The following ABCC9 variants were observed in gnomAD, a reference collection of about 807,000 sequenced individuals.
The protein encoded by ABCC9 is ATP-binding cassette sub-family C member 9.
ABCC9 carries 95 observed loss-of-function variants against 188.3 expected under a neutral mutation model. The observed-to-expected ratio is 0.50, with a 90% CI of 0.43 to 0.60. ABCC9 has a LOEUF of 0.60. ABCC9 is among the 20% of genes least tolerant of loss of function. ABCC9 has a pLI of 0.00. For missense variants in ABCC9, 1,102 were observed against 1,876.3 expected (o/e 0.59, Z 7.62); for synonymous variants, 659 against 652.7 (o/e 1.01, Z -0.15).
chr12:21,856,564 G>T (rs909285961), intron 22 of ABCC9, among the ~76,000 whole-genome samples: 5 of 152,010 alleles, frequency 3.3e-5, no homozygotes, highest in Non-Finnish European at 7.4e-5. Flanking sequence ...ACTGCATCAA[G>T]GCTAACATGA....
chr12:21,821,304 CTG>C (rs1398662668), intron 31 of ABCC9, among the ~76,000 whole-genome samples: 1 of 152,130 alleles, frequency 6.6e-6, no homozygotes, highest in African/African-American at 2.4e-5. Flanking sequence ...TGTAATATGA[CTG>C]TCTCTTAAAA....
At chr12:21,849,492 G>A (rs1314769239) in intron 24 of ABCC9, among the ~76,000 whole-genome samples, 1 of 152,188 alleles carries the variant, frequency 6.6e-6, no homozygotes, top group East Asian at 1.9e-4. Flanking sequence ...CCTGTCTTGT[G>A]CATATCATAT....
chr12:21,840,688 A>G (rs1196833993), intron 29 of ABCC9, among the ~76,000 whole-genome samples: 1 of 152,228 alleles, frequency 6.6e-6, no homozygotes, highest in Non-Finnish European at 1.5e-5. Flanking sequence ...TAGTATCAGA[A>G]GAAAAGAAAT....
At chr12:21,918,669 G>T (rs1029517020) in intron 5 of ABCC9, among the ~76,000 whole-genome samples, 4 of 152,008 alleles carry the variant, frequency 2.6e-5, no homozygotes, top group Admixed American at 2.0e-4. Context: ...TCTATTCCAG[G>T]TTCTCACGAG....
At chr12:21,884,562 A>G (rs1946781746) in intron 15 of ABCC9, among the ~76,000 whole-genome samples, 1 of 152,138 alleles carries the variant, frequency 6.6e-6, no homozygotes, top group South Asian at 2.1e-4. Flanking sequence ...TTACTATGGG[A>G]ATTAGGAATG....
Position 21,812,156 on chromosome 12 carries a change from T to A in ABCC9, c.4104A>T (p.Gly1368=). The A allele has an allele frequency of 6.3e-7, 1 of 1,595,292 alleles. No homozygotes were observed. Among genetic ancestry groups the A allele is most frequent in the Non-Finnish European group, 8.6e-7 (1 of 1,163,102 alleles). ...AFFRMVDIFD[G]KIVIDGIDIS... is the part of the protein sequence containing the mutation. The stretch of plus-strand genomic sequence containing the variant: ...TGTCTATCCCATCAATGACAATTTT[T>A]CCTGTTAAGGAGAAACAGAAGTTAC... Residue 1368 remains glycine (G), a splice_region_variant and synonymous_variant, in exon 36 of 40, where the codon GGA becomes GGT. Coordinates refer to ENST00000261200, the MANE Select transcript of ABCC9 (RefSeq NM_020297.4).
At chr12:21,925,371 A>G (rs987998915) in intron 5 of ABCC9, 2 of 576,196 alleles carry the variant, frequency 3.5e-6, no homozygotes, top group Admixed American at 2.6e-5. Flanking sequence ...TTTTAGTCAC[A>G]ATGCAGGTGC....
At chr12:21,830,974 T>TTATCTATCTATCTATCTATCTATC (rs3983520) in intron 30 of ABCC9, 7 of 147,482 alleles carry the variant, frequency 4.7e-5, no homozygotes, top group Middle Eastern at 3.5e-3. Context: ...ACCATAAAGA[T>TTATCTATCTATCTATCTATCTATC]TATCTATCTA....
At chr12:21,873,272 T>C (rs1178882236) in intron 17 of ABCC9, among the ~76,000 whole-genome samples, 1 of 152,116 alleles carries the variant, frequency 6.6e-6, no homozygotes, top group Non-Finnish European at 1.5e-5. Flanking sequence ...TTCCTAAATA[T>C]TTTATTCTTT....
intron 4 of ABCC9, among the ~76,000 whole-genome samples, chr12:21,930,784 T>C (rs1949252305): frequency 6.6e-6 from 1 of 152,076 alleles, no homozygotes; most frequent in Admixed American, 6.5e-5. Context: ...AGCACTAAAA[T>C]GAAATGATCT....
chr12:21,800,816 A>C lies in ABCC9; in HGVS notation c.*228T>G. ...TTACATGTTTTAATACAACCTAGCT[A>C]TTCTTAAAGCTAGAGTGGCTGGATC... On this transcript the variant is annotated 3_prime_UTR_variant, in exon 40 of 40. Coordinates refer to ENST00000261200, the MANE Select transcript of ABCC9 (RefSeq NM_020297.4). 1.9e-6 allele frequency: 1 copy of C among 537,530 alleles called. No individual in the cohort carries two copies. 33.3% of individuals were successfully genotyped at this position (537,530 alleles called of 1,614,324 possible).
Position 21,844,863 on chromosome 12 carries a change from C to T in ABCC9, c.3149G>A (p.Cys1050Tyr), listed in dbSNP as rs1944561613. The part of the protein sequence containing the change: ...SILCGAGIFL[C>Y]LVTSLTVEWM... ...TTCTACAGTGAGGGATGTAACAAGG[C>T]AAAGGAAAATGCCTGCTCCACAGAG... Residue 1050 changes from cysteine to tyrosine, a missense_variant, in exon 27 of 40, where the codon TGC becomes TAC. By Grantham distance (194) the Cys-to-Tyr change is radical. Around this residue, in one of 12 missense-constraint regions of ABCC9, gnomAD observed 74 missense variants for 132.7 expected, o/e 0.56. Transcript: ENST00000261200. 1 of 1,613,736 alleles carries T rather than the reference C, an allele frequency of 6.2e-7. No homozygotes were observed. The highest frequency in any genetic ancestry group is 1.3e-5 in the African/African-American group (1 of 74,884).
intron 22 of ABCC9, among the ~76,000 whole-genome samples, chr12:21,855,336 C>T (rs1363614987): frequency 6.6e-6 from 1 of 152,200 alleles, no homozygotes; most frequent in East Asian, 1.9e-4. Flanking sequence ...TCTTCTGCCT[C>T]AGCCTCCCAA....
At chr12:21,851,059 G>A (rs1456366925) in intron 24 of ABCC9, among the ~76,000 whole-genome samples, 1 of 151,768 alleles carries the variant, frequency 6.6e-6, no homozygotes, top group Non-Finnish European at 1.5e-5. Flanking sequence ...CTCTCTCTAT[G>A]GAGACAGATC....
chr12:21,844,938 A>G (rs1285744389), intron 26 of ABCC9, 23 bp from the exon 27 acceptor site: 1 of 1,612,950 alleles, frequency 6.2e-7, no homozygotes, highest in Non-Finnish European at 8.5e-7. Flanking sequence ...CAACACAAAA[A>G]GCACATAGGA....
At chr12:21,888,415 G>A (rs1261279482) in intron 14 of ABCC9, among the ~76,000 whole-genome samples, 1 of 152,002 alleles carries the variant, frequency 6.6e-6, no homozygotes, top group African/African-American at 2.4e-5. Context: ...GGAATCCTTG[G>A]CCACTGTGTA....
intron 10 of ABCC9, among the ~76,000 whole-genome samples, chr12:21,909,490 A>G (rs1948214902): frequency 6.6e-6 from 1 of 152,000 alleles, no homozygotes; most frequent in African/African-American, 2.4e-5. Flanking sequence ...AAAACTGAGT[A>G]TATTTCTTTT....
chr12:21,908,723 CCTT>C (rs1948165333), intron 10 of ABCC9, among the ~76,000 whole-genome samples: 1 of 151,930 alleles, frequency 6.6e-6, no homozygotes, highest in African/African-American at 2.4e-5. Context: ...GAGCTCCTCA[CCTT>C]CTTATGACTT....
At chr12:21,893,320 A>G (rs568673812) in intron 14 of ABCC9, among the ~76,000 whole-genome samples, 17 of 152,340 alleles carry the variant, frequency 1.1e-4, no homozygotes, top group Non-Finnish European at 2.2e-4. Context: ...ACAATTCTTA[A>G]CCATTTTCAG....
Sources: allele counts gnomAD v4.1 joint callset (sites outside exome capture counted in the v4.1 genomes callset), GRCh38; gene constraint gnomAD v4.1.1; regional missense constraint gnomAD v4.1.1; transcripts MANE v1.5; gene names NCBI Gene and HGNC (gene_info 2026-07-23, HGNC 2026-07-21).